Variants in SBF2 observed in about 807,000 individuals in gnomAD.
SBF2 encodes the protein myotubularin-related protein 13.
SBF2 carries 112 observed loss-of-function variants against 225.2 expected under a neutral mutation model. That is an observed-to-expected ratio of 0.50 (90% CI 0.43 to 0.58). The LOEUF is 0.58. SBF2 is among the 20% of genes least tolerant of loss of function. The pLI is 0.00. For synonymous variants in SBF2, 763 were observed against 773.3 expected, an observed-to-expected ratio of 0.99 and a Z score of 0.22; for missense variants, 1,996 against 2,206.2, an observed-to-expected ratio of 0.90 and a Z score of 1.91.
intron 2 of SBF2, among the ~76,000 whole-genome samples, chr11:10,061,390 G>A (rs571426918): frequency 5.9e-5 from 9 of 152,156 alleles, no homozygotes; most frequent in Non-Finnish European, 1.2e-4. Context: ...TAGGAAGAGA[G>A]GAAGTCAAAC....
intron 16 of SBF2, among the ~76,000 whole-genome samples, chr11:9,944,331 T>C (rs954692229): frequency 6.6e-6 from 1 of 152,198 alleles, no homozygotes; most frequent in Non-Finnish European, 1.5e-5. Flanking sequence ...AACTGGGTGG[T>C]GGGCACACAG....
chr11:10,236,763 C>T (rs1054904381), intron 1 of SBF2, among the ~76,000 whole-genome samples: 1 of 152,084 alleles, frequency 6.6e-6, no homozygotes, highest in African/African-American at 2.4e-5. Flanking sequence ...CGCCCAGACT[C>T]GAGTCTGTCT....
intron 2 of SBF2, among the ~76,000 whole-genome samples, chr11:10,126,834 A>G (rs976572058): frequency 2.0e-5 from 3 of 152,256 alleles, no homozygotes; most frequent in Admixed American, 2.0e-4. Context: ...ATAATCATAC[A>G]TCAGGATATT....
intron 2 of SBF2, among the ~76,000 whole-genome samples, chr11:10,064,803 G>C (rs1950573529): frequency 6.6e-6 from 1 of 152,050 alleles, no homozygotes. Flanking sequence ...ACAGCAAGAG[G>C]GAAGAGGCAA....
chr11:10,212,972 C>A (rs370308388), intron 1 of SBF2, among the ~76,000 whole-genome samples: 1 of 152,076 alleles, frequency 6.6e-6, no homozygotes, highest in Admixed American at 6.6e-5. Context: ...TCGCTTGAAC[C>A]CGGGAGGCGG....
chr11:10,276,347 GAGA>G (rs1191229525), intron 1 of SBF2, among the ~76,000 whole-genome samples: 1 of 152,144 alleles, frequency 6.6e-6, no homozygotes, highest in East Asian at 1.9e-4. Context: ...TTCAACTCCA[GAGA>G]AGGAGGACAG....
chr11:10,262,293 G>A (rs1464177144), intron 1 of SBF2, among the ~76,000 whole-genome samples: 1 of 152,178 alleles, frequency 6.6e-6, no homozygotes, highest in Non-Finnish European at 1.5e-5. Context: ...TGTACAAAGT[G>A]TAGGTAGTAC....
chr11:9,872,695 G>T (rs1259333246), intron 17 of SBF2, among the ~76,000 whole-genome samples: 1 of 152,054 alleles, frequency 6.6e-6, no homozygotes, highest in Non-Finnish European at 1.5e-5. Context: ...CTGCTGAAAA[G>T]AATATAAAAT....
chr11:9,807,458 G>C lies in SBF2; in HGVS notation c.4443+542C>G, dbSNP rs150581869. Among the ~76,000 whole-genome samples, 504 of 152,326 alleles carry C rather than the reference G, an allele frequency of 3.3e-3. 3 individuals are homozygous for C. The highest frequency in any genetic ancestry group is 5.2e-3 in the South Asian group (25 of 4,828). On this transcript the variant is annotated intron_variant, in intron 32 of 39. Transcript: ENST00000256190. ...GGCCTCCAGCTATATCCATGTCATT[G>C]CAAAAGACATGATTTCATTCTTTTG...
intron 2 of SBF2, among the ~76,000 whole-genome samples, chr11:10,117,238 C>T (rs972225773): frequency 1.3e-5 from 2 of 151,810 alleles, no homozygotes; most frequent in South Asian, 2.1e-4. Context: ...GTTAGGAGTT[C>T]GAGACCAGCC....
intron 1 of SBF2, among the ~76,000 whole-genome samples, chr11:10,235,056 T>C (rs1480708595): frequency 6.6e-6 from 1 of 152,228 alleles, no homozygotes; most frequent in Non-Finnish European, 1.5e-5. Flanking sequence ...TAAGCACTGG[T>C]AGCCTCAAAT....
rs911247396 is a variant in SBF2 at position 10,028,679 on chromosome 11, C to T, written c.514-122G>A. ...CCATGTAAGATCCAATTAACAGATACAAAAGGCAACAATGTATATCCCAAA... is the reference window on the plus strand; with the variant it reads ...CCATGTAAGATCCAATTAACAGATATAAAAGGCAACAATGTATATCCCAAA... On this transcript the variant is annotated intron_variant, in intron 5 of 39. Transcript: ENST00000256190. The T allele has an allele frequency of 4.1e-6, 3 of 723,684 alleles. No individual in the cohort carries two copies. In the African/African-American group the frequency reaches 5.2e-5, roughly 13 times the overall value. The allele number at this position is 723,684 out of a possible 1,614,324, so 44.8% of individuals were successfully genotyped here. A position where few individuals can be genotyped will look rare whatever the true frequency, so the allele number is the denominator to read the frequency against.
chr11:9,812,797 T>C, intron 29 of SBF2, 89 bp from the exon 30 acceptor site: 1 of 1,365,078 alleles, frequency 7.3e-7, no homozygotes, highest in Non-Finnish European at 1.0e-6. Flanking sequence ...AATGACAAAG[T>C]TATTTGGGGC....
chr11:10,155,088 T>C (rs946153778), intron 2 of SBF2, among the ~76,000 whole-genome samples: 1 of 152,186 alleles, frequency 6.6e-6, no homozygotes, highest in Non-Finnish European at 1.5e-5. Context: ...GACTTCTTTA[T>C]TAATTATAAA....
chr11:9,849,668 T>C (rs1856787948), intron 22 of SBF2, among the ~76,000 whole-genome samples: 1 of 152,208 alleles, frequency 6.6e-6, no homozygotes, highest in Non-Finnish European at 1.5e-5. Flanking sequence ...AAGACCTTAG[T>C]TTTACAGTTA....
chr11:9,797,299 C>G (rs1283455448), intron 32 of SBF2, among the ~76,000 whole-genome samples: 2 of 152,124 alleles, frequency 1.3e-5, no homozygotes, highest in African/African-American at 4.8e-5. Flanking sequence ...TGGTTAGGAA[C>G]CTGGTTTTCT....
chr11:10,266,597 C>A (rs1369884748), intron 1 of SBF2, among the ~76,000 whole-genome samples: 2 of 152,274 alleles, frequency 1.3e-5, no homozygotes, highest in Middle Eastern at 3.4e-3. Context: ...CAATATGGAA[C>A]TAGCTAGAGA....
At chr11:10,170,527 T>C (rs1956142543) in intron 2 of SBF2, among the ~76,000 whole-genome samples, 1 of 152,184 alleles carries the variant, frequency 6.6e-6, no homozygotes, top group Non-Finnish European at 1.5e-5. Flanking sequence ...TTGGTTACTA[T>C]AGCTCTGTAG....
At chr11:10,002,840 T>C in intron 6 of SBF2, 151 bp from the exon 7 acceptor site, 2 of 732,064 alleles carry the variant, frequency 2.7e-6, no homozygotes, top group Non-Finnish European at 4.7e-6. Context: ...ATATAATCTA[T>C]GAGTATTTGT....
Sources: gnomAD v4.1 joint callset for allele counts (sites outside exome capture counted in the v4.1 genomes callset) on GRCh38, gnomAD v4.1.1 for gene constraint, MANE v1.5 for transcripts, NCBI Gene and HGNC (gene_info 2026-07-23, HGNC 2026-07-21) for gene names.